The following CNTN1 variants were observed in gnomAD, a reference collection of about 807,000 sequenced individuals.
The protein encoded by CNTN1 is contactin 1, also known as contactin-1.
A neutral mutation model predicts 126.4 loss-of-function variants in CNTN1; 38 were observed. The ratio of observed to expected loss-of-function variants is 0.30; its 90% confidence interval spans 0.23 to 0.39. The LOEUF is 0.39. Ranked by LOEUF, CNTN1 falls within the 10% of genes least tolerant of loss-of-function variation. CNTN1 has a pLI of 1.00. For synonymous variants in CNTN1, 413 were observed against 422.6 expected, an observed-to-expected ratio of 0.98 and a Z score of 0.28; for missense variants, 1,009 against 1,248.4, an observed-to-expected ratio of 0.81 and a Z score of 2.89.
At chr12:40,861,520 T>A (rs1943114805) in intron 1 of CNTN1, among the ~76,000 whole-genome samples, 2 of 152,158 alleles carry the variant, frequency 1.3e-5, no homozygotes, top group Admixed American at 1.3e-4. Context: ...CTTTGATTTT[T>A]TTTTCTCTTA....
At chr12:41,057,194 T>G (rs1298723907) in intron 23 of CNTN1, among the ~76,000 whole-genome samples, 1 of 144,562 alleles carries the variant, frequency 6.9e-6, no homozygotes, top group Admixed American at 7.0e-5. Flanking sequence ...TTTAGATATT[T>G]ATATTATTAT....
intron 1 of CNTN1, among the ~76,000 whole-genome samples, chr12:40,768,604 T>C (rs968825287): frequency 1.3e-5 from 2 of 152,228 alleles, no homozygotes; most frequent in South Asian, 4.1e-4. Context: ...TCCTGGCTGA[T>C]CACCGTGTTC....
rs1268579806 is a variant in CNTN1 at position 40,749,598 on chromosome 12, AC to A, written c.-77+57007del. On this transcript the variant is annotated intron_variant, in intron 1 of 23. Transcript: ENST00000551295. ...CTATACAATGGTAATAGTAGTAGTTACATATGTGGTTTTGTTTTTTGTGTTT... is the reference window on the plus strand; with the variant it reads ...CTATACAATGGTAATAGTAGTAGTTAATATGTGGTTTTGTTTTTTGTGTTT... 4.2e-5 allele frequency among the ~76,000 whole-genome samples: 6 copies of A among 143,808 alleles called. 2 individuals are homozygous for A. The highest frequency in any genetic ancestry group is 7.6e-5 in the African/African-American group (3 of 39,294). The allele number at this position is 143,808 out of a possible 152,430, so 94.3% of individuals were successfully genotyped here.
intron 1 of CNTN1, among the ~76,000 whole-genome samples, chr12:40,719,086 GAAC>G (rs1190500617): frequency 1.3e-5 from 2 of 152,082 alleles, no homozygotes; most frequent in South Asian, 2.1e-4. Flanking sequence ...TTTAAACACT[GAAC>G]AACTGAAGTT....
intron 1 of CNTN1, among the ~76,000 whole-genome samples, chr12:40,843,042 T>C (rs1942348582): frequency 6.6e-6 from 1 of 152,162 alleles, no homozygotes; most frequent in South Asian, 2.1e-4. Flanking sequence ...AAGTATACCT[T>C]AACTAGAGAC....
chr12:41,018,090 CA>C lies in CNTN1; in HGVS notation c.2419+1186del, dbSNP rs112670448. Among the ~76,000 whole-genome samples, 1,037 of 146,834 alleles carry C rather than the reference CA, an allele frequency of 7.1e-3. 9 individuals carry two copies. The highest frequency in any genetic ancestry group is 0.024 in the African/African-American group (944 of 40,022). On this transcript the variant is annotated intron_variant, in intron 19 of 23. Transcript: ENST00000551295. ...GGGCAACAAAAGCGAAAGTCCATCTCAAAAAAAAAAAATAATAATAATAATA... is the reference window on the plus strand; with the variant it reads ...GGGCAACAAAAGCGAAAGTCCATCTCAAAAAAAAAAATAATAATAATAATA...
At chr12:41,050,430 C>T (rs1356985764) in intron 23 of CNTN1, among the ~76,000 whole-genome samples, 1 of 152,094 alleles carries the variant, frequency 6.6e-6, no homozygotes, top group East Asian at 1.9e-4. Context: ...CATTTGCACA[C>T]AGTGGCAAGA....
In CNTN1 at chr12:41,016,688, TCAAGAGAA is replaced by T; in HGVS notation, c.2192_2199del (p.Ser731LeufsTer14). On this transcript the variant is annotated frameshift_variant, in exon 19 of 24. Transcript: ENST00000551295. LOFTEE classifies it high-confidence loss of function. ...TCTTTTAATTTCTATTTAGCCTTTGTCAAGAGAATACCACTATGGCAACAATTTTGGTT... is the reference window on the plus strand; with the variant it reads ...TCTTTTAATTTCTATTTAGCCTTTGTTACCACTATGGCAACAATTTTGGTT... 4 of 1,608,232 alleles carry T rather than the reference TCAAGAGAA, an allele frequency of 2.5e-6. No individual in the cohort carries two copies. The highest frequency in any genetic ancestry group is 3.4e-6 in the Non-Finnish European group (4 of 1,174,672).
At chr12:40,967,634 T>C (rs1269627314) in intron 15 of CNTN1, among the ~76,000 whole-genome samples, 1 of 152,142 alleles carries the variant, frequency 6.6e-6, no homozygotes, top group African/African-American at 2.4e-5. Flanking sequence ...GATTCATACA[T>C]CCATGCGTAT....
intron 1 of CNTN1, among the ~76,000 whole-genome samples, chr12:40,835,917 A>T (rs1273549207): frequency 6.6e-6 from 1 of 151,872 alleles, no homozygotes; most frequent in Non-Finnish European, 1.5e-5. Flanking sequence ...ACACTGAGGG[A>T]TACAAGGATA....
At chr12:40,784,645 G>T (rs1208618200) in intron 1 of CNTN1, among the ~76,000 whole-genome samples, 5 of 152,124 alleles carry the variant, frequency 3.3e-5, no homozygotes, top group African/African-American at 1.2e-4. Flanking sequence ...ATAAAGCCTG[G>T]TTTGCCCAAG....
chr12:40,928,276 C>T (rs534751128), intron 6 of CNTN1, among the ~76,000 whole-genome samples: 116 of 152,084 alleles, frequency 7.6e-4, no homozygotes, highest in Non-Finnish European at 1.4e-3. Context: ...TCAAAGTCTT[C>T]TTTTAAATGT....
At chr12:40,934,405 T>A (rs751353845) in intron 9 of CNTN1, among the ~76,000 whole-genome samples, 1 of 151,866 alleles carries the variant, frequency 6.6e-6, no homozygotes, top group Non-Finnish European at 1.5e-5. Context: ...GAGTCACACT[T>A]TGAGAACCAC....
intron 23 of CNTN1, among the ~76,000 whole-genome samples, chr12:41,039,640 T>C (rs951598936): frequency 1.3e-5 from 2 of 152,114 alleles, no homozygotes; most frequent in Non-Finnish European, 2.9e-5. Flanking sequence ...AGAAAGCAGC[T>C]GAGGTCAGAT....
At chr12:40,848,104 G>A (rs917686780) in intron 1 of CNTN1, among the ~76,000 whole-genome samples, 1 of 152,148 alleles carries the variant, frequency 6.6e-6, no homozygotes, top group African/African-American at 2.4e-5. Flanking sequence ...TCGGCAGCCT[G>A]GGGTTTCGGG....
At chr12:41,040,575 C>T (rs954506310) in intron 23 of CNTN1, among the ~76,000 whole-genome samples, 1 of 152,066 alleles carries the variant, frequency 6.6e-6, no homozygotes, top group Admixed American at 6.6e-5. Flanking sequence ...TTCTTTGTAT[C>T]CTCTTTTATT....
chr12:40,933,464 C>G lies in CNTN1; in HGVS notation c.707C>G (p.Thr236Arg), dbSNP rs759678214. Reference protein sequence around the residue: ...FIPLIPIPERTTKPYPADIVV... With the variant: ...FIPLIPIPERRTKPYPADIVV... Reference sequence around the variant, plus strand: ...TTTGTGTTTCTCTTAATATTAGGAACAACAAAACCATATCCTGCTGATATT... The same window carrying G: ...TTTGTGTTTCTCTTAATATTAGGAAGAACAAAACCATATCCTGCTGATATT... The change falls in exon 8 of 24, where the codon ACA (threonine) becomes AGA (arginine). Residue 236 changes from threonine to arginine, a missense_variant. Physicochemically the swap from Thr to Arg is moderately conservative, Grantham distance 71. Coordinates refer to ENST00000551295, the MANE Select transcript of CNTN1 (RefSeq NM_001843.4). 1.3e-6 allele frequency: 2 copies of G among 1,598,446 alleles called. No homozygotes were observed. The highest frequency in any genetic ancestry group is 1.7e-6 in the Non-Finnish European group (2 of 1,166,350).
chr12:40,706,053 G>C (rs1384207166), intron 1 of CNTN1, among the ~76,000 whole-genome samples: 1 of 151,740 alleles, frequency 6.6e-6, no homozygotes, highest in Non-Finnish European at 1.5e-5. Flanking sequence ...TTTGACATGA[G>C]ATTTGGGTGG....
At position 40,878,710 on chromosome 12, in the gene CNTN1, G is replaced by A. The variant is rs181642765; in HGVS notation, c.-76-29647G>A. Among the ~76,000 whole-genome samples the A allele has an allele frequency of 2.7e-3, 410 of 152,208 alleles. 3 individuals carry two copies. The highest frequency in any genetic ancestry group is 9.3e-3 in the African/African-American group (388 of 41,538). On this transcript the variant is annotated intron_variant, in intron 1 of 23. Coordinates refer to ENST00000551295, the MANE Select transcript of CNTN1 (RefSeq NM_001843.4). ...AATAACACATTTTTGTAATTCAATA[G>A]CTATCGCCATGATTCCCGAAATAGG...
Sources: gnomAD v4.1 joint callset for allele counts (sites outside exome capture counted in the v4.1 genomes callset) on GRCh38, gnomAD v4.1.1 for gene constraint, MANE v1.5 for transcripts, NCBI Gene and HGNC (gene_info 2026-07-23, HGNC 2026-07-21) for gene names.